The following RBFOX1 variants were observed in gnomAD, a reference collection of about 807,000 sequenced individuals.
RBFOX1 encodes RNA binding fox-1 homolog 1.
Under a neutral mutation model 57.7 loss-of-function variants are expected in RBFOX1, and 8 were observed. That is an observed-to-expected ratio of 0.14 (90% confidence interval 0.08 to 0.25). The LOEUF (loss-of-function observed/expected upper bound fraction) is 0.25, where lower values mean the gene tolerates loss of function less well. Among genes scored for constraint, RBFOX1 ranks in the 10% least tolerant of loss-of-function variants. The pLI is 1.00. For missense variants in RBFOX1, 611 were observed against 548.5 expected (o/e 1.11, Z -1.14); for synonymous variants, 326 against 222.4 (o/e 1.47, Z -4.15).
At chr16:6,902,486 C>CA (rs2068734492) in intron 3 of RBFOX1, among the ~76,000 whole-genome samples, 1 of 152,158 alleles carries the variant, frequency 6.6e-6, no homozygotes, top group Admixed American at 6.5e-5. Context: ...CTTTGAGAGG[C>CA]AGGGTGGGGA....
intron 5 of RBFOX1, among the ~76,000 whole-genome samples, chr16:7,518,862 G>A (rs974918575): frequency 6.6e-6 from 1 of 151,936 alleles, no homozygotes; most frequent in African/African-American, 2.4e-5. Flanking sequence ...ATCTCTACAA[G>A]AAATTTAAAA....
At chr16:7,057,892 C>T (rs747874578) in intron 4 of RBFOX1, among the ~76,000 whole-genome samples, 15 of 151,154 alleles carry the variant, frequency 9.9e-5, no homozygotes, top group Admixed American at 3.3e-4. Flanking sequence ...CCTGTAGTCC[C>T]AGCTACTCCG....
At chr16:6,695,322 A>G (rs140287644) in intron 3 of RBFOX1, among the ~76,000 whole-genome samples, 1 of 148,440 alleles carries the variant, frequency 6.7e-6, no homozygotes, top group African/African-American at 2.5e-5. Flanking sequence ...AGGCTGAGGC[A>G]GGAGAATCGC....
intron 2 of RBFOX1, among the ~76,000 whole-genome samples, chr16:5,481,497 T>A (rs866297550): frequency 1.3e-5 from 2 of 152,260 alleles, no homozygotes; most frequent in African/African-American, 2.4e-5. Context: ...GTTTTCTTGT[T>A]ACTACTTGTC....
At chr16:6,498,434 C>A (rs937810924) in intron 2 of RBFOX1, among the ~76,000 whole-genome samples, 1 of 152,004 alleles carries the variant, frequency 6.6e-6, no homozygotes, top group Admixed American at 6.6e-5. Flanking sequence ...GAAGACAGAC[C>A]AGTTAGCTTC....
At chr16:5,476,874 A>T (rs560437655) in intron 2 of RBFOX1, among the ~76,000 whole-genome samples, 1 of 152,048 alleles carries the variant, frequency 6.6e-6, no homozygotes, top group African/African-American at 2.4e-5. Context: ...ACCTTTCTCA[A>T]TCTAGTTCTC....
At chr16:7,690,229 C>G (rs574887931) in intron 14 of RBFOX1, among the ~76,000 whole-genome samples, 17 of 152,116 alleles carry the variant, frequency 1.1e-4, no homozygotes, top group Non-Finnish European at 1.9e-4. Context: ...CACTGGCACT[C>G]TCTTAACCTC....
At chr16:6,883,033 C>T (rs904809362) in intron 3 of RBFOX1, among the ~76,000 whole-genome samples, 2 of 152,138 alleles carry the variant, frequency 1.3e-5, no homozygotes. Flanking sequence ...CTAGATAACC[C>T]ATATGTCTCC....
At chr16:7,209,399 GC>G (rs1234051812) in intron 4 of RBFOX1, among the ~76,000 whole-genome samples, 1 of 152,110 alleles carries the variant, frequency 6.6e-6, no homozygotes, top group Non-Finnish European at 1.5e-5. Context: ...TTAGATTAGA[GC>G]CCACCCTAGT....
intron 4 of RBFOX1, among the ~76,000 whole-genome samples, chr16:7,329,019 G>C (rs1409561729): frequency 2.0e-5 from 3 of 152,154 alleles, no homozygotes; most frequent in African/African-American, 7.2e-5. Context: ...TAGGAATTTA[G>C]TAAATACAGT....
chr16:6,489,138 A>G (rs1280728651), intron 2 of RBFOX1, among the ~76,000 whole-genome samples: 1 of 152,158 alleles, frequency 6.6e-6, no homozygotes, highest in Non-Finnish European at 1.5e-5. Flanking sequence ...ACTCTTTAGT[A>G]CGAGAAGTGC....
chr16:6,187,257 T>G (rs1294182385), intron 1 of RBFOX1, among the ~76,000 whole-genome samples: 1 of 151,884 alleles, frequency 6.6e-6, no homozygotes, highest in Non-Finnish European at 1.5e-5. Flanking sequence ...GGGAAGTGAG[T>G]TGGGATGACG....
intron 4 of RBFOX1, among the ~76,000 whole-genome samples, chr16:7,320,330 C>G (rs757429809): frequency 2.6e-5 from 4 of 152,042 alleles, no homozygotes; most frequent in Admixed American, 6.5e-5. Flanking sequence ...CATGGAGTGT[C>G]TGGTTTTCTG....
intron 4 of RBFOX1, among the ~76,000 whole-genome samples, chr16:7,079,065 C>T (rs542551471): frequency 6.6e-6 from 1 of 151,952 alleles, no homozygotes; most frequent in South Asian, 2.1e-4. Context: ...CAACTCATGA[C>T]AGCCTGAAGT....
intron 3 of RBFOX1, among the ~76,000 whole-genome samples, chr16:7,001,197 C>G (rs2127070): frequency 4.6e-5 from 7 of 152,014 alleles, no homozygotes; most frequent in African/African-American, 1.4e-4. Context: ...AATGATCATT[C>G]TAAATGTCCA....
intron 2 of RBFOX1, among the ~76,000 whole-genome samples, chr16:6,618,837 T>G (rs2098181931): frequency 6.6e-6 from 1 of 152,120 alleles, no homozygotes; most frequent in African/African-American, 2.4e-5. Flanking sequence ...CTTCTCTTGG[T>G]GAAAAATTCA....
At chr16:5,718,914 G>A (rs1360443776) in intron 3 of RBFOX1, among the ~76,000 whole-genome samples, 1 of 150,208 alleles carries the variant, frequency 6.7e-6, no homozygotes, top group Admixed American at 6.6e-5. Flanking sequence ...TTCTCAAAAT[G>A]AATGAATGAA....
intron 4 of RBFOX1, among the ~76,000 whole-genome samples, chr16:7,498,565 C>T (rs184506093): frequency 1.3e-5 from 2 of 152,056 alleles, no homozygotes; most frequent in African/African-American, 2.4e-5. Context: ...ATTTTATTTA[C>T]CCAGTATATC....
At chr16:7,436,413 A>C (rs141909792) in intron 4 of RBFOX1, among the ~76,000 whole-genome samples, 1 of 152,166 alleles carries the variant, frequency 6.6e-6, no homozygotes, top group Non-Finnish European at 1.5e-5. Flanking sequence ...TTCCTGTTCA[A>C]AGGTTGGGGA....
Sources: gnomAD v4.1 joint callset for allele counts (sites outside exome capture counted in the v4.1 genomes callset) on GRCh38, gnomAD v4.1.1 for gene constraint, MANE v1.5 for transcripts, NCBI Gene and HGNC (gene_info 2026-07-23, HGNC 2026-07-21) for gene names.